The following TESK2 variants were observed in gnomAD, a reference collection of about 807,000 sequenced individuals.
TESK2 encodes the protein dual specificity testis-specific protein kinase 2.
In TESK2, 39 loss-of-function variants were observed where a neutral mutation model predicts 57.1. The ratio of observed to expected loss-of-function variants is 0.68; its 90% CI spans 0.53 to 0.89. The LOEUF (loss-of-function observed/expected upper bound fraction) is 0.89, where lower values mean the gene tolerates loss of function less well. TESK2 is among the 40% of genes least tolerant of loss of function. The pLI is 0.00. For synonymous variants in TESK2, 249 were observed against 267.9 expected (o/e 0.93, Z 0.69); for missense variants, 646 against 732.1 (o/e 0.88, Z 1.36).
intron 4 of TESK2, among the ~76,000 whole-genome samples, chr1:45,373,419 C>A (rs1372762573): frequency 6.6e-6 from 1 of 152,214 alleles, no homozygotes; most frequent in Non-Finnish European, 1.5e-5. Context: ...TATATTAATA[C>A]TTTTGCAAGT....
chr1:45,455,049 A>G (rs942537050), intron 2 of TESK2, among the ~76,000 whole-genome samples: 2 of 152,144 alleles, frequency 1.3e-5, no homozygotes, highest in Non-Finnish European at 2.9e-5. Context: ...AAATATAGTT[A>G]TAATTAAGCA....
intron 1 of TESK2, among the ~76,000 whole-genome samples, chr1:45,461,363 C>T (rs1409246640): frequency 1.3e-5 from 2 of 151,932 alleles, no homozygotes; most frequent in African/African-American, 4.8e-5. Flanking sequence ...AAAACAACAA[C>T]AACAAAAAAA....
chr1:45,441,617 C>CTTTTT (rs763476517), intron 2 of TESK2, among the ~76,000 whole-genome samples: 3 of 118,686 alleles, frequency 2.5e-5, no homozygotes, highest in South Asian at 2.7e-4. Flanking sequence ...CAAAATTATT[C>CTTTTT]TTTTTTTTTT....
Position 45,385,908 on chromosome 1 carries a change from T to C in TESK2, c.393+4A>G, listed in dbSNP as rs1489693370. The C allele has an allele frequency of 6.3e-7, 1 of 1,599,246 alleles. No homozygotes were observed. Among genetic ancestry groups the C allele is most frequent in the Non-Finnish European group, 8.6e-7 (1 of 1,169,578 alleles). On this transcript the variant is annotated splice_donor_region_variant and intron_variant, in intron 4 of 10. Transcript: ENST00000372086. ...CGTTACTTCAACACTTACTGATGTCTTACCTCTGTAAGTGCATGCAATTGT... is the reference window on the plus strand; with the variant it reads ...CGTTACTTCAACACTTACTGATGTCCTACCTCTGTAAGTGCATGCAATTGT...
intron 2 of TESK2, among the ~76,000 whole-genome samples, chr1:45,430,466 G>A (rs987292504): frequency 4.6e-5 from 7 of 152,150 alleles, no homozygotes; most frequent in African/African-American, 1.4e-4. Flanking sequence ...ACTCCAGCCT[G>A]GGCAACACAG....
chr1:45,394,235 G>C (rs1172961131), intron 3 of TESK2, among the ~76,000 whole-genome samples: 2 of 151,412 alleles, frequency 1.3e-5, no homozygotes, highest in Non-Finnish European at 2.9e-5. Context: ...GCTCGCTGCA[G>C]CCTCAACCTC....
intron 3 of TESK2, among the ~76,000 whole-genome samples, chr1:45,414,560 G>A (rs1448790152): frequency 6.6e-6 from 1 of 152,052 alleles, no homozygotes; most frequent in African/African-American, 2.4e-5. Context: ...CTAAGCAATA[G>A]GATCAAAAGG....
At position 45,346,970 on chromosome 1, in the gene TESK2, G is replaced by A. The variant is rs759467882; in HGVS notation, c.792+9C>T. 3.1e-6 allele frequency: 5 copies of A among 1,613,808 alleles called. No individual in the cohort carries two copies. In the South Asian group the frequency reaches 5.5e-5, roughly 18 times the overall value. ...ATCAGTGGCAATGATCCCCATGCTT[G>A]CAGCTCACCTCTGTGCGGGGAAGAT... On this transcript the variant is annotated intron_variant, in intron 8 of 10. Transcript: ENST00000372086.
rs1183551147 is a variant in TESK2 at position 45,461,716 on chromosome 1, T to C, written c.-86-3845A>G. ...AAAACATCGTTGACTATATAAAACA[T>C]AGTTGTCTGCTAAACTGAACAATTC... On this transcript the variant is annotated intron_variant, in intron 1 of 10. Transcript: ENST00000372086. Among the ~76,000 whole-genome samples the C allele has an allele frequency of 3.3e-5, 5 of 152,314 alleles. No homozygotes were observed. The South Asian group carries it at 1.0e-3, about 32-fold the overall frequency.
chr1:45,484,425 A>G (rs898114270), intron 1 of TESK2, among the ~76,000 whole-genome samples: 4 of 151,796 alleles, frequency 2.6e-5, no homozygotes, highest in Admixed American at 1.3e-4. Context: ...TCTTATTTGT[A>G]AGCATTCGCC....
At chr1:45,465,866 A>G (rs1652530006) in intron 1 of TESK2, among the ~76,000 whole-genome samples, 2 of 152,210 alleles carry the variant, frequency 1.3e-5, no homozygotes, top group Non-Finnish European at 2.9e-5. Context: ...TGAACAAATT[A>G]TAAGTAGCAA....
chr1:45,372,522 T>C (rs373082985), intron 4 of TESK2, among the ~76,000 whole-genome samples: 1 of 151,252 alleles, frequency 6.6e-6, no homozygotes, highest in African/African-American at 2.4e-5. Context: ...GAGGTTGCAG[T>C]GAGCCAAGAT....
chr1:45,370,882 T>C (rs943790584), intron 4 of TESK2, among the ~76,000 whole-genome samples: 1 of 152,150 alleles, frequency 6.6e-6, no homozygotes, highest in African/African-American at 2.4e-5. Flanking sequence ...AGAAGGGTTT[T>C]TTCAGGGAGA....
chr1:45,415,077 C>A, intron 3 of TESK2: 1 of 1,373,222 alleles, frequency 7.3e-7, no homozygotes, highest in Non-Finnish European at 1.0e-6. Flanking sequence ...GCCCTTGGGC[C>A]ACGTCTCCTT....
chr1:45,456,291 G>A (rs957949138), intron 2 of TESK2, among the ~76,000 whole-genome samples: 5 of 152,174 alleles, frequency 3.3e-5, no homozygotes, highest in African/African-American at 9.7e-5. Flanking sequence ...GGCTGAGGTA[G>A]GTGGATCACT....
intron 2 of TESK2, among the ~76,000 whole-genome samples, chr1:45,438,469 C>A (rs992974454): frequency 6.6e-6 from 1 of 152,196 alleles, no homozygotes; most frequent in Non-Finnish European, 1.5e-5. Context: ...GTACTCCAGC[C>A]TCAGCGACAG....
In TESK2 at chr1:45,344,823, G is replaced by A; in HGVS notation, c.*17C>T. ...GCTGAAGGTCCATCCCCAAGGTGAGGCAGGGACTAAACCCCCTCACCCATC... is the reference window on the plus strand; with the variant it reads ...GCTGAAGGTCCATCCCCAAGGTGAGACAGGGACTAAACCCCCTCACCCATC... On this transcript the variant is annotated 3_prime_UTR_variant, in exon 11 of 11. Transcript: ENST00000372086. The A allele has an allele frequency of 6.3e-7, 1 of 1,596,398 alleles. No homozygotes were observed. The highest frequency in any genetic ancestry group is 8.6e-7 in the Non-Finnish European group (1 of 1,168,442).
intron 3 of TESK2, among the ~76,000 whole-genome samples, chr1:45,386,218 G>A (rs1342401766): frequency 5.9e-5 from 9 of 151,946 alleles, no homozygotes; most frequent in African/African-American, 1.4e-4. Flanking sequence ...GGTGGCATGC[G>A]CCTGTAGTCC....
At chr1:45,443,791 T>G (rs1386789702) in intron 2 of TESK2, among the ~76,000 whole-genome samples, 3 of 152,144 alleles carry the variant, frequency 2.0e-5, no homozygotes, top group Non-Finnish European at 4.4e-5. Context: ...TACTTTGTAA[T>G]CAAAGATAAA....
Sources: allele counts gnomAD v4.1 joint callset (sites outside exome capture counted in the v4.1 genomes callset), GRCh38; gene constraint gnomAD v4.1.1; transcripts MANE v1.5; gene names NCBI Gene and HGNC (gene_info 2026-07-23, HGNC 2026-07-21).